The following RYR3 variants were observed in gnomAD, a reference collection of about 807,000 sequenced individuals.
RYR3 encodes the protein ryanodine receptor 3.
A neutral mutation model predicts 584.3 loss-of-function variants in RYR3; 207 were observed. The observed-to-expected ratio is 0.35, with a 90% CI of 0.32 to 0.40. RYR3 has a LOEUF of 0.40. Among genes scored for constraint, RYR3 ranks in the 10% least tolerant of loss-of-function variants. The pLI is 1.00. For synonymous variants in RYR3, 2,416 were observed against 2,248.5 expected (o/e 1.07, Z -2.11); for missense variants, 5,616 against 6,089.2 (o/e 0.92, Z 2.59).
chr15:33,864,923 C>T lies in RYR3; in HGVS notation c.14518-208C>T, dbSNP rs1889949478. The T allele has an allele frequency of 5.9e-6, 3 of 504,622 alleles. No homozygotes were observed. In the South Asian group the frequency reaches 1.0e-4, roughly 18 times the overall value. The allele number at this position is 504,622 out of a possible 1,614,324, so 31.3% of individuals were successfully genotyped here. ...GTTTGGGGCAGAGGGGGATTTTTCTCCTTCCCTGCCAGCATGTGTCAGAGA... is the reference window on the plus strand; with the variant it reads ...GTTTGGGGCAGAGGGGGATTTTTCTTCTTCCCTGCCAGCATGTGTCAGAGA... On this transcript the variant is annotated intron_variant, in intron 103 of 103. Transcript: ENST00000634891.
intron 42 of RYR3, among the ~76,000 whole-genome samples, chr15:33,705,608 C>A (rs1007691165): frequency 6.6e-6 from 1 of 152,202 alleles, no homozygotes; most frequent in Non-Finnish European, 1.5e-5. Context: ...AGAACAGAAT[C>A]TAAAATCTTC....
intron 27 of RYR3, among the ~76,000 whole-genome samples, chr15:33,643,259 G>A (rs774841760): frequency 8.5e-5 from 13 of 152,118 alleles, no homozygotes; most frequent in African/African-American, 1.2e-4. Context: ...CCTTCCAGGC[G>A]CTCTCTGCAG....
chr15:33,432,994 T>C (rs1432728904), intron 1 of RYR3, among the ~76,000 whole-genome samples: 1 of 151,784 alleles, frequency 6.6e-6, no homozygotes, highest in Non-Finnish European at 1.5e-5. Flanking sequence ...CAAATTAGTT[T>C]ATTGATCAAT....
rs1219646037 is a variant in RYR3 at position 33,350,768 on chromosome 15, G to C, written c.51+39672G>C. On this transcript the variant is annotated intron_variant, in intron 1 of 103. Transcript: ENST00000634891. Reference sequence around the variant, plus strand: ...TGGGACACATTCAAAGCAGTGTGTAGAGGGAAATTTATAGCACTAAATGCC... The same window carrying C: ...TGGGACACATTCAAAGCAGTGTGTACAGGGAAATTTATAGCACTAAATGCC... Among the ~76,000 whole-genome samples the C allele has an allele frequency of 4.0e-5, 6 of 151,778 alleles. No homozygotes were observed. In the South Asian group the frequency reaches 6.3e-4, roughly 16 times the overall value.
intron 60 of RYR3, among the ~76,000 whole-genome samples, chr15:33,767,449 G>A (rs2073187846): frequency 6.6e-6 from 1 of 152,190 alleles, no homozygotes; most frequent in African/African-American, 2.4e-5. Context: ...CTTTTCCACT[G>A]CAAGACCAAT....
intron 1 of RYR3, 139 bp from the exon 2 acceptor site, chr15:33,473,279 TA>T: frequency 1.0e-6 from 1 of 955,994 alleles, no homozygotes; most frequent in Non-Finnish European, 1.7e-6. Context: ...TCTCCTTCCG[TA>T]ATCAGGTTTA....
At chr15:33,592,165 G>A (rs1428298249) in intron 16 of RYR3, among the ~76,000 whole-genome samples, 1 of 152,184 alleles carries the variant, frequency 6.6e-6, no homozygotes, top group Non-Finnish European at 1.5e-5. Context: ...ATTGTCAGTG[G>A]CTTAGCGTAG....
At chr15:33,450,087 TAAAAAAAAAAAAA>T (rs10647466) in intron 1 of RYR3, among the ~76,000 whole-genome samples, 1 of 67,342 alleles carries the variant, frequency 1.5e-5, no homozygotes, top group Non-Finnish European at 2.7e-5. Flanking sequence ...CATTAATACC[TAAAAAAAAAAAAA>T]AAAAAAAAAA....
intron 81 of RYR3, among the ~76,000 whole-genome samples, chr15:33,823,985 G>A (rs1264891577): frequency 6.6e-6 from 1 of 152,068 alleles, no homozygotes; most frequent in East Asian, 1.9e-4. Flanking sequence ...TACGTGAGCT[G>A]CAGTATAATT....
At chr15:33,768,403 A>T (rs2073282507) in intron 60 of RYR3, among the ~76,000 whole-genome samples, 1 of 152,238 alleles carries the variant, frequency 6.6e-6, no homozygotes, top group African/African-American at 2.4e-5. Flanking sequence ...AAATACTATA[A>T]CTGTTTCAGA....
In RYR3 at chr15:33,618,368, C is replaced by T. The variant is rs140193627; in HGVS notation, c.2357+4993C>T. Reference sequence around the variant, plus strand: ...CAGACTTGGCTAAAATTCAGGTAACCAACAGCTTAGCTATTTCCAGCTTGC... The same window carrying T: ...CAGACTTGGCTAAAATTCAGGTAACTAACAGCTTAGCTATTTCCAGCTTGC... On this transcript the variant is annotated intron_variant, in intron 19 of 103. Coordinates refer to ENST00000634891, the MANE Select transcript of RYR3 (RefSeq NM_001036.6). Among the ~76,000 whole-genome samples the T allele has an allele frequency of 3.1e-4, 47 of 152,244 alleles. 2 individuals carry two copies. In the East Asian group the frequency reaches 8.9e-3, roughly 29 times the overall value.
intron 45 of RYR3, among the ~76,000 whole-genome samples, chr15:33,725,587 AC>A (rs1440719483): frequency 6.6e-6 from 1 of 151,690 alleles, no homozygotes; most frequent in African/African-American, 2.4e-5. Flanking sequence ...CATTCTCTAC[AC>A]CCTTTTTGCC....
At chr15:33,356,581 C>G (rs535839557) in intron 1 of RYR3, among the ~76,000 whole-genome samples, 1 of 152,244 alleles carries the variant, frequency 6.6e-6, no homozygotes, top group East Asian at 1.9e-4. Flanking sequence ...TATAATCTCT[C>G]TGAATTTTAC....
At chr15:33,587,600 C>T (rs190721243) in intron 16 of RYR3, among the ~76,000 whole-genome samples, 4 of 152,294 alleles carry the variant, frequency 2.6e-5, no homozygotes, top group African/African-American at 9.6e-5. Context: ...GATATGTTAT[C>T]AGAGTAGCCT....
rs1255556653 is a variant in RYR3, at chr15:33,861,153, C to G, written c.14440C>G (p.Gln4814Glu). Residue 4814 changes from glutamine to glutamate, a missense_variant, in exon 102 of 104, where the codon CAA becomes GAA. Coordinates refer to ENST00000634891, the MANE Select transcript of RYR3 (RefSeq NM_001036.6). ...TCATGGTTTTGAAACACATACATTA[C>G]AAGAGCACAACTTAGCCAACTACTT... Reference protein sequence around the residue: ...TPHGFETHTLQEHNLANYLFF... With the variant: ...TPHGFETHTLEEHNLANYLFF... The G allele has an allele frequency of 3.1e-6, 5 of 1,593,852 alleles. No individual in the cohort carries two copies. The highest frequency in any genetic ancestry group is 4.3e-6 in the Non-Finnish European group (5 of 1,169,002).
chr15:33,371,238 G>A (rs931551052), intron 1 of RYR3, among the ~76,000 whole-genome samples: 5 of 152,144 alleles, frequency 3.3e-5, no homozygotes, highest in African/African-American at 4.8e-5. Context: ...AACTGGCATC[G>A]CAGGGCTTCA....
intron 72 of RYR3, among the ~76,000 whole-genome samples, chr15:33,811,280 C>T (rs1280992154): frequency 5.3e-5 from 8 of 151,912 alleles, no homozygotes; most frequent in South Asian, 2.1e-4. Context: ...CCGAGGTGGG[C>T]GGATCACGAG....
intron 1 of RYR3, among the ~76,000 whole-genome samples, chr15:33,438,869 A>G (rs1482176620): frequency 6.6e-6 from 1 of 152,218 alleles, no homozygotes; most frequent in African/African-American, 2.4e-5. Flanking sequence ...TAAAACAGTA[A>G]TCTACACTTT....
At chr15:33,386,135 T>C (rs2141238990) in intron 1 of RYR3, among the ~76,000 whole-genome samples, 1 of 152,276 alleles carries the variant, frequency 6.6e-6, no homozygotes, top group South Asian at 2.1e-4. Flanking sequence ...TGTCTTAAGG[T>C]GGTAGCATTT....
Sources: gnomAD v4.1 joint callset for allele counts (sites outside exome capture counted in the v4.1 genomes callset) on GRCh38, gnomAD v4.1.1 for gene constraint, MANE v1.5 for transcripts, NCBI Gene and HGNC (gene_info 2026-07-23, HGNC 2026-07-21) for gene names.